Variants in CABLES1 observed in about 807,000 individuals in gnomAD.
CABLES1 encodes the protein CDK5 and ABL1 enzyme substrate 1.
In CABLES1, 36 loss-of-function variants were observed where a neutral mutation model predicts 57.8. That is an observed-to-expected ratio of 0.62 (90% CI 0.48 to 0.82). The LOEUF (loss-of-function observed/expected upper bound fraction) is 0.82, where lower values mean the gene tolerates loss of function less well. Ranked by LOEUF, CABLES1 falls within the 40% of genes least tolerant of loss-of-function variation. The pLI is 0.00. For missense variants in CABLES1, 767 were observed against 836.6 expected (o/e 0.92, Z 1.03); for synonymous variants, 374 against 363.0 (o/e 1.03, Z -0.35).
At chr18:23,195,706 T>G (rs2145027508) in intron 3 of CABLES1, among the ~76,000 whole-genome samples, 1 of 152,354 alleles carries the variant, frequency 6.6e-6, no homozygotes, top group Middle Eastern at 3.4e-3. Context: ...GTACAATGCT[T>G]TTAGTTTAAA....
Position 23,253,152 on chromosome 18 carries a change from T to C in CABLES1, c.1553+86T>C. ...AAGCTTGTCATCTGTCCAGTGGTCC[T>C]TCCTGTGGTTCCAGTGATTGAGTCA... On this transcript the variant is annotated intron_variant, in intron 8 of 9. Transcript: ENST00000256925. 4.0e-6 allele frequency: 3 copies of C among 745,226 alleles called. No individual in the cohort carries two copies. In the South Asian group the frequency reaches 4.7e-5, roughly 12 times the overall value. The allele number at this position is 745,226 out of a possible 1,614,324, so 46.2% of individuals were successfully genotyped here.
Position 23,136,555 on chromosome 18 carries a change from C to G in CABLES1, c.793C>G (p.Gln265Glu), listed in dbSNP as rs1331169064. 1 of 1,549,286 alleles carries G rather than the reference C, an allele frequency of 6.5e-7. No individual in the cohort carries two copies. The highest frequency in any genetic ancestry group is 1.9e-5 in the Admixed American group (1 of 53,006). Reference protein sequence around the residue: ...PTSQNYCSLEQPGQGGSTSAF... With the variant: ...PTSQNYCSLEEPGQGGSTSAF... ...TTCGCAGAACTACTGCTCCCTGGAG[C>G]AGCCAGGCCAGGGCGGCAGCACCAG... Residue 265 changes from glutamine to glutamate, a missense_variant, in exon 1 of 10, where the codon CAG becomes GAG. Gln to Glu is a conservative substitution (Grantham distance 29). Coordinates refer to ENST00000256925, the MANE Select transcript of CABLES1 (RefSeq NM_001100619.3).
Position 23,235,898 on chromosome 18 carries a change from G to C in CABLES1, c.1189G>C (p.Val397Leu). The stretch of plus-strand genomic sequence containing the variant: ...TGTTTTTGTCTTCACCTTTTAGACT[G>C]TTTCCTATACCCAATTTCTGTTACC... ...GVELGADGKT[V>L]SYTQFLLPTN... Residue 397 changes from valine (V) to leucine (L), a missense_variant, in exon 6 of 10, where the codon GTT becomes CTT. This residue lies in a region of CABLES1 where 529 missense variants were observed against 622.8 expected (regional missense o/e 0.85). Coordinates refer to ENST00000256925, the MANE Select transcript of CABLES1 (RefSeq NM_001100619.3). The C allele has an allele frequency of 1.2e-6, 2 of 1,614,128 alleles. No individual in the cohort carries two copies. The highest frequency in any genetic ancestry group is 1.7e-6 in the Non-Finnish European group (2 of 1,179,966).
At chr18:23,141,971 A>G (rs1320767839) in intron 1 of CABLES1, among the ~76,000 whole-genome samples, 2 of 152,292 alleles carry the variant, frequency 1.3e-5, no homozygotes, top group South Asian at 2.1e-4. Flanking sequence ...CTGATGTGGC[A>G]TAAGAGAGGT....
chr18:23,201,003 C>CCAGAAGCCT (rs2047321546), intron 3 of CABLES1, among the ~76,000 whole-genome samples: 1 of 152,158 alleles, frequency 6.6e-6, no homozygotes, highest in Non-Finnish European at 1.5e-5. Context: ...GCGTAAAGGC[C>CCAGAAGCCT]CAGAAGCCTC....
At position 23,235,975 on chromosome 18, in the gene CABLES1, C is replaced by A. The variant is rs755229793; in HGVS notation, c.1266C>A (p.Phe422Leu). The A allele has an allele frequency of 7.4e-6, 12 of 1,614,130 alleles. No individual in the cohort carries two copies. In the East Asian group the frequency reaches 2.4e-4, roughly 33 times the overall value. The part of the protein sequence containing the change: ...RRNTIDSTSS[F>L]SQFRNLSHRS... ...ATACCATAGACTCCACCTCCTCTTT[C>A]TCCCAGTTCCGTAACCTGAGCCACC... is the stretch of plus-strand genomic sequence containing the variant. The change falls in exon 6 of 10, where the codon TTC becomes TTA. Residue 422 changes from phenylalanine (F) to leucine (L), a missense_variant. By Grantham distance (22) the Phe-to-Leu change is conservative. Transcript: ENST00000256925.
At chr18:23,221,011 G>C (rs1438286245) in intron 4 of CABLES1, among the ~76,000 whole-genome samples, 1 of 152,076 alleles carries the variant, frequency 6.6e-6, no homozygotes, top group Admixed American at 6.5e-5. Context: ...CTGCCAGCTC[G>C]AGTCTCCCTG....
chr18:23,179,215 A>G (rs9954799), intron 1 of CABLES1, among the ~76,000 whole-genome samples: 152,137 of 152,214 alleles, frequency 1, 76,030 homozygotes, highest in Middle Eastern at 1. Context: ...GAACCCAGGA[A>G]GCAGAGGTTG....
rs2047153058 is a variant in CABLES1, at chr18:23,179,994, C to T, written c.846-8844C>T. On this transcript the variant is annotated intron_variant, in intron 1 of 9. Coordinates refer to ENST00000256925, the MANE Select transcript of CABLES1 (RefSeq NM_001100619.3). ...AGTGCAGTGGCGCAATCTTGGCTCA[C>T]TGCAAGCTCCGCCTCCCGGGTTCAG... is the stretch of plus-strand genomic sequence containing the variant. 2.0e-5 allele frequency among the ~76,000 whole-genome samples: 3 copies of T among 152,224 alleles called. No individual in the cohort carries two copies. The South Asian group carries it at 6.2e-4, about 31-fold the overall frequency.
intron 1 of CABLES1, among the ~76,000 whole-genome samples, chr18:23,144,911 T>G (rs2046881732): frequency 6.6e-6 from 1 of 152,156 alleles, no homozygotes; most frequent in African/African-American, 2.4e-5. Context: ...CCTAAGGCTT[T>G]ACCACACATC....
At chr18:23,237,887 A>C (rs905219218) in intron 7 of CABLES1, among the ~76,000 whole-genome samples, 2 of 149,492 alleles carry the variant, frequency 1.3e-5, no homozygotes, top group Non-Finnish European at 3.0e-5. Context: ...CTCTGGGCCG[A>C]CTTGCCCTGA....
chr18:23,223,188 T>C (rs2047502111), intron 4 of CABLES1, among the ~76,000 whole-genome samples: 1 of 152,198 alleles, frequency 6.6e-6, no homozygotes, highest in African/African-American at 2.4e-5. Context: ...TCAGGTTGTC[T>C]GAACATCTCC....
chr18:23,145,837 A>T (rs1297919773), intron 1 of CABLES1, among the ~76,000 whole-genome samples: 1 of 152,166 alleles, frequency 6.6e-6, no homozygotes, highest in East Asian at 1.9e-4. Context: ...GTTATCATTC[A>T]TTGTGGTTTG....
At chr18:23,179,979 C>T (rs978234101) in intron 1 of CABLES1, among the ~76,000 whole-genome samples, 17 of 152,046 alleles carry the variant, frequency 1.1e-4, no homozygotes, top group Non-Finnish European at 2.1e-4. Flanking sequence ...AGTGCAGTGG[C>T]GCAATCTTGG....
chr18:23,191,794 C>T (rs982146561), intron 2 of CABLES1, among the ~76,000 whole-genome samples: 8 of 151,736 alleles, frequency 5.3e-5, no homozygotes, highest in South Asian at 2.1e-4. Context: ...ATTCATTCTT[C>T]GCTTAACCTG....
chr18:23,253,047 ACACT>A lies in CABLES1; in HGVS notation c.1537_1540del (p.Leu513AlafsTer6). On this transcript the variant is annotated frameshift_variant, in exon 8 of 10. Transcript: ENST00000256925. LOFTEE classifies it high-confidence loss of function. ...GGAGAAGTTTCCTCACATTAAGCTG[ACACT>A]CAGCAAAATTAGGAGGTACGGGAGG... The A allele has an allele frequency of 6.2e-7, 1 of 1,612,224 alleles. No homozygotes were observed. Among genetic ancestry groups the A allele is most frequent in the Non-Finnish European group, 8.5e-7 (1 of 1,178,278 alleles).
At chr18:23,224,787 T>G (rs573400322) in intron 4 of CABLES1, among the ~76,000 whole-genome samples, 1 of 152,198 alleles carries the variant, frequency 6.6e-6, no homozygotes, top group South Asian at 2.1e-4. Flanking sequence ...GCCAGGATGG[T>G]CTCGATCTCC....
intron 1 of CABLES1, among the ~76,000 whole-genome samples, chr18:23,148,207 T>G (rs1241558241): frequency 1.3e-5 from 2 of 152,006 alleles, no homozygotes; most frequent in Non-Finnish European, 2.9e-5. Context: ...GCCAGGGTGG[T>G]CTCGATCTCC....
chr18:23,230,821 G>A (rs1257733477), intron 4 of CABLES1, among the ~76,000 whole-genome samples: 1 of 152,164 alleles, frequency 6.6e-6, no homozygotes, highest in African/African-American at 2.4e-5. Flanking sequence ...TAATGCCTAG[G>A]ATTTGGGGAA....
Sources: gnomAD v4.1 joint callset for allele counts (sites outside exome capture counted in the v4.1 genomes callset) on GRCh38, gnomAD v4.1.1 for gene constraint, gnomAD v4.1.1 regional missense constraint, MANE v1.5 for transcripts, NCBI Gene and HGNC (gene_info 2026-07-23, HGNC 2026-07-21) for gene names.